KLRG1: variants seen among roughly 807,000 people sequenced by gnomAD.
KLRG1 encodes the protein killer cell lectin-like receptor subfamily G member 1.
KLRG1 carries 16 observed loss-of-function variants against 21.8 expected under a neutral mutation model. The ratio of observed to expected loss-of-function variants is 0.73; its 90% CI spans 0.50 to 1.11. The LOEUF is 1.11. Among genes scored for constraint, KLRG1 ranks in the 50% most tolerant of loss-of-function variants. The pLI, the probability that KLRG1 is intolerant of heterozygous loss-of-function variation, is 0.00. For synonymous variants in KLRG1, 69 were observed against 75.9 expected, an observed-to-expected ratio of 0.91 and a Z score of 0.47; for missense variants, 173 against 218.3, an observed-to-expected ratio of 0.79 and a Z score of 1.31.
At chr12:9,196,717 A>G in the KLRG1 span, 23 of 1,512,120 alleles carry the variant, frequency 1.5e-5, no homozygotes, top group Non-Finnish European at 2.1e-5. Flanking sequence ...ATAAATGTCA[A>G]ACTGATTGAG....
the KLRG1 span, among the ~76,000 whole-genome samples, chr12:9,082,551 C>G: frequency 7.2e-5 from 11 of 152,208 alleles, no homozygotes; most frequent in African/African-American, 2.4e-4. Flanking sequence ...GACTAAATAG[C>G]AAACCTTTAT....
Position 9,009,953 on chromosome 12 carries a change from C to T in KLRG1, c.*416C>T. ...TAGAGAAGTACATTATTGCTGTACT[C>T]CTCTGTACATTACTGATCCCTGATG... On this transcript the variant is annotated 3_prime_UTR_variant, in exon 5 of 5. Transcript: ENST00000356986. 1 of 1,519,270 alleles carries T rather than the reference C, an allele frequency of 6.6e-7. No individual in the cohort carries two copies. Among genetic ancestry groups the T allele is most frequent in the South Asian group, 1.2e-5 (1 of 83,644 alleles). The allele number at this position is 1,519,270 out of a possible 1,614,324, so 94.1% of individuals were successfully genotyped here. A position where few individuals can be genotyped will look rare whatever the true frequency, so the allele number is the denominator to read the frequency against.
chr12:9,089,966 G>A, the KLRG1 span: 3 of 1,611,866 alleles, frequency 1.9e-6, no homozygotes, highest in Non-Finnish European at 2.5e-6. Flanking sequence ...AGGCACCTCA[G>A]TCCCACACAG....
downstream of KLRG1, among the ~76,000 whole-genome samples, chr12:9,015,421 A>T (rs1042976664): frequency 5.3e-5 from 8 of 152,160 alleles, no homozygotes; most frequent in African/African-American, 1.9e-4. Context: ...GGTCTCTTTG[A>T]CCTTATGATA....
At chr12:9,033,888 T>G in the KLRG1 span, among the ~76,000 whole-genome samples, 1 of 151,998 alleles carries the variant, frequency 6.6e-6, no homozygotes, top group African/African-American at 2.4e-5. Context: ...CGGTGGGAGA[T>G]CCTACAAGAA....
At chr12:8,978,664 CTTTCTTTCTTTCTTTCTTTCTTTCTT>C (rs1183090651) in intron 1 of KLRG1, among the ~76,000 whole-genome samples, 4 of 148,256 alleles carry the variant, frequency 2.7e-5, no homozygotes, top group African/African-American at 5.0e-5. Context: ...TTCTTTCTTT[CTTTCTTTCTTTCTTTCTTTCTTTCTT>C]TTTCTTTCTT....
the KLRG1 span, among the ~76,000 whole-genome samples, chr12:9,031,719 A>C: frequency 1.3e-5 from 2 of 152,242 alleles, no homozygotes; most frequent in African/African-American, 4.8e-5. Flanking sequence ...GAGTCATGAC[A>C]CATCAATCAA....
the KLRG1 span, among the ~76,000 whole-genome samples, chr12:9,120,852 C>CGTGTGTGTGTGTGTGTGTGTGT: frequency 5.7e-4 from 82 of 143,464 alleles, no homozygotes; most frequent in African/African-American, 2.0e-3. Flanking sequence ...ATCCCACTAA[C>CGTGTGTGTGTGTGTGTGTGTGT]GTGTGTGTGT....
the KLRG1 span, chr12:9,077,646 T>C: frequency 6.3e-7 from 1 of 1,593,440 alleles, no homozygotes; most frequent in Non-Finnish European, 8.6e-7. Context: ...CTTCCTATCC[T>C]CATCCTTGCA....
chr12:9,017,389 A>C, the KLRG1 span, among the ~76,000 whole-genome samples: 2 of 152,162 alleles, frequency 1.3e-5, no homozygotes, highest in Non-Finnish European at 2.9e-5. Flanking sequence ...AACTGGGTTC[A>C]ACAACACATT....
At chr12:9,023,955 A>G in the KLRG1 span, among the ~76,000 whole-genome samples, 1 of 148,980 alleles carries the variant, frequency 6.7e-6, no homozygotes, top group Non-Finnish European at 1.5e-5. Context: ...TTAAATAAGT[A>G]TCCTTTTTCC....
At chr12:9,174,125 C>A in the KLRG1 span, among the ~76,000 whole-genome samples, 1 of 152,150 alleles carries the variant, frequency 6.6e-6, no homozygotes. Context: ...AAAGCTTATC[C>A]ACCACAACCA....
rs1401764350 is a variant in KLRG1 at position 8,983,446 on chromosome 12, G to A, written c.-155-8760G>A. ...ACAGAGTTTCGCTCTTGTTGCCCAG[G>A]CTGGAGTGTAATGGTGCAATCTCAG... On this transcript the variant is annotated intron_variant, in intron 1 of 4. Coordinates refer to the KLRG1 transcript ENST00000539240. Among the ~76,000 whole-genome samples the A allele has an allele frequency of 2.1e-5, 3 of 143,272 alleles. No individual in the cohort carries two copies. The East Asian group carries it at 6.0e-4, about 28-fold the overall frequency. 94.0% of individuals were successfully genotyped at this position (143,272 alleles called of 152,430 possible). A position where few individuals can be genotyped will look rare whatever the true frequency, so the allele number is the denominator to read the frequency against.
chr12:9,082,082 T>A, the KLRG1 span, among the ~76,000 whole-genome samples: 1 of 152,186 alleles, frequency 6.6e-6, no homozygotes, highest in Non-Finnish European at 1.5e-5. Context: ...GTGTATTTCA[T>A]AGAAGTGTAG....
upstream of KLRG1, among the ~76,000 whole-genome samples, chr12:8,989,156 C>T (rs1276089349): frequency 6.6e-6 from 1 of 152,156 alleles, no homozygotes; most frequent in Non-Finnish European, 1.5e-5. Context: ...TGATTCCAGG[C>T]ATATGCACCC....
chr12:8,992,270 T>G lies in KLRG1; in HGVS notation c.147T>G (p.Val49=). The change falls in exon 2 of 5, where the codon GTT becomes GTG. Residue 49 remains valine (V), a synonymous_variant. Coordinates refer to ENST00000356986, the MANE Select transcript of KLRG1 (RefSeq NM_005810.4). The part of the protein sequence containing the change: ...VAIALGLLTA[V]LLSVLLYQWI... ...TAGCTTTGGGGCTTCTGACTGCAGT[T>G]CTTCTGAGTGTGCTGCTATACCAGT... is the stretch of plus-strand genomic sequence containing the variant. 1.2e-6 allele frequency: 2 copies of G among 1,613,970 alleles called. No individual in the cohort carries two copies. Among genetic ancestry groups the G allele is most frequent in the Admixed American group, 1.7e-5 (1 of 59,992 alleles).
the KLRG1 span, chr12:9,069,711 CG>C: frequency 7.0e-6 from 11 of 1,561,534 alleles, no homozygotes; most frequent in Non-Finnish European, 9.7e-6. Flanking sequence ...TTATTATCTA[CG>C]TTTTTTTGCA....
the KLRG1 span, among the ~76,000 whole-genome samples, chr12:9,188,667 T>C: frequency 6.6e-6 from 1 of 152,152 alleles, no homozygotes; most frequent in Admixed American, 6.5e-5. Flanking sequence ...AAAATGATGT[T>C]AGCAAAATTT....
At chr12:9,123,296 A>G in the KLRG1 span, among the ~76,000 whole-genome samples, 1 of 152,184 alleles carries the variant, frequency 6.6e-6, no homozygotes, top group Non-Finnish European at 1.5e-5. Context: ...AGTTTAATTT[A>G]TAAATTAGGC....
Sources: allele counts gnomAD v4.1 joint callset (sites outside exome capture counted in the v4.1 genomes callset), GRCh38; gene constraint gnomAD v4.1.1; transcripts MANE v1.5; gene names NCBI Gene and HGNC (gene_info 2026-07-23, HGNC 2026-07-21).